The following TMEM131 variants were observed in gnomAD, a reference collection of about 807,000 sequenced individuals.
TMEM131 encodes 2610524E03Rik.
TMEM131 carries 66 observed loss-of-function variants against 211.6 expected under a neutral mutation model. That is an observed-to-expected ratio of 0.31 (90% CI 0.26 to 0.38). TMEM131 has a LOEUF of 0.38. TMEM131 is among the 10% of genes least tolerant of loss of function. The pLI is 1.00. For missense variants in TMEM131, 2,036 were observed against 2,299.3 expected, an observed-to-expected ratio of 0.89 and a Z score of 2.34; for synonymous variants, 844 against 841.3, an observed-to-expected ratio of 1.00 and a Z score of -0.06.
intron 1 of TMEM131, among the ~76,000 whole-genome samples, chr2:97,934,695 C>T (rs1459305942): frequency 6.6e-6 from 1 of 152,164 alleles, no homozygotes; most frequent in South Asian, 2.1e-4. Flanking sequence ...AGTAGAACAC[C>T]TAGAAACAGA....
At position 97,870,159 on chromosome 2, in the gene TMEM131, C is replaced by T. The variant is rs114107002; in HGVS notation, c.360-10732G>A. Among the ~76,000 whole-genome samples, 850 of 152,264 alleles carry T rather than the reference C, an allele frequency of 5.6e-3. 14 individuals are homozygous for T. The highest frequency in any genetic ancestry group is 0.02 in the African/African-American group (812 of 41,544). On this transcript the variant is annotated intron_variant, in intron 4 of 40. Coordinates refer to ENST00000186436, the MANE Select transcript of TMEM131 (RefSeq NM_015348.2). ...TAGGTCAGGCTCACCCAAAAAAAATCTATCTCAAAGGTCAATTGATTTGGG... is the reference window on the plus strand; with the variant it reads ...TAGGTCAGGCTCACCCAAAAAAAATTTATCTCAAAGGTCAATTGATTTGGG...
Position 97,842,516 on chromosome 2 carries a change from T to A in TMEM131, c.601-579A>T, listed in dbSNP as rs572473874. Among the ~76,000 whole-genome samples, 457 of 61,368 alleles carry A rather than the reference T, an allele frequency of 7.4e-3. 1 individual carries two copies. The highest frequency in any genetic ancestry group is 0.011 in the Non-Finnish European group (292 of 26,342). 40.3% of individuals were successfully genotyped at this position (61,368 alleles called of 152,430 possible). A position where few individuals can be genotyped will look rare whatever the true frequency, so the allele number is the denominator to read the frequency against. On this transcript the variant is annotated intron_variant, in intron 6 of 40. Transcript: ENST00000186436. ...ACAGACTGGATACCAATAAAAAGAT[T>A]TAAAAAAAAAATCCCTCTGCCAGAG...
At chr2:97,988,619 T>C (rs1680133296) in intron 1 of TMEM131, among the ~76,000 whole-genome samples, 1 of 152,280 alleles carries the variant, frequency 6.6e-6, no homozygotes, top group Non-Finnish European at 1.5e-5. Flanking sequence ...AGGACGTGAA[T>C]AGACATTTCT....
chr2:97,981,743 T>C (rs1000175707), intron 1 of TMEM131, among the ~76,000 whole-genome samples: 2 of 152,180 alleles, frequency 1.3e-5, no homozygotes, highest in Admixed American at 6.5e-5. Context: ...AACCATGTTA[T>C]CTATTTTGTC....
chr2:97,978,115 A>C (rs1025013651), intron 1 of TMEM131, among the ~76,000 whole-genome samples: 1 of 152,080 alleles, frequency 6.6e-6, no homozygotes, highest in Admixed American at 6.5e-5. Context: ...AAATAATAAT[A>C]ATAAAAAACA....
chr2:97,951,216 G>A (rs1425611495), intron 1 of TMEM131, among the ~76,000 whole-genome samples: 6 of 152,224 alleles, frequency 3.9e-5, no homozygotes, highest in African/African-American at 1.4e-4. Flanking sequence ...GGTTTGGTGT[G>A]TAGGTTCTGG....
At chr2:97,868,027 C>A (rs1475325805) in intron 4 of TMEM131, among the ~76,000 whole-genome samples, 1 of 152,138 alleles carries the variant, frequency 6.6e-6, no homozygotes. Context: ...CCATTGAGCT[C>A]CTTACTCCAT....
Position 97,878,743 on chromosome 2 carries a change from C to T in TMEM131, c.359+9309G>A, listed in dbSNP as rs531361409. ...GGATAACATTAGGAGAAGTACCTAA[C>T]GTAGGTGATGGGTTGATGCATGCAG... On this transcript the variant is annotated intron_variant, in intron 4 of 40. Transcript: ENST00000186436. 4.6e-5 allele frequency among the ~76,000 whole-genome samples: 7 copies of T among 152,158 alleles called. No homozygotes were observed. The East Asian group carries it at 1.2e-3, about 25-fold the overall frequency.
At chr2:97,978,264 T>G (rs777228542) in intron 1 of TMEM131, among the ~76,000 whole-genome samples, 1 of 152,218 alleles carries the variant, frequency 6.6e-6, no homozygotes, top group South Asian at 2.1e-4. Context: ...ATCGACTAAG[T>G]TGATAATACC....
intron 4 of TMEM131, among the ~76,000 whole-genome samples, chr2:97,876,017 T>A (rs1158069432): frequency 6.6e-6 from 1 of 152,046 alleles, no homozygotes; most frequent in Non-Finnish European, 1.5e-5. Context: ...AAAAATGATA[T>A]AGGGGATATC....
At chr2:97,924,611 T>C (rs749824634) in intron 2 of TMEM131, among the ~76,000 whole-genome samples, 5 of 152,300 alleles carry the variant, frequency 3.3e-5, no homozygotes, top group African/African-American at 7.2e-5. Flanking sequence ...ATGCCATCAG[T>C]TGCTGGTGAG....
chr2:97,757,228 G>A lies in TMEM131; in HGVS notation c.5523C>T (p.His1841=), dbSNP rs201617324. 397 of 1,614,004 alleles carry A rather than the reference G, an allele frequency of 2.5e-4. 2 individuals are homozygous for A. In the East Asian group the frequency reaches 5.6e-3, roughly 23 times the overall value. Residue 1841 remains histidine, a synonymous_variant, in exon 41 of 41, where the codon CAC becomes CAT. Coordinates refer to ENST00000186436, the MANE Select transcript of TMEM131 (RefSeq NM_015348.2). ...CAGCTGGACTGGAGGTGGAGGGAGC[G>A]TGAGGAGCAGGGGAGTTTTCTGTGC... ...LMGTENSPAP[H]APSTSSPADD...
At chr2:97,881,840 G>T (rs1187748246) in intron 4 of TMEM131, among the ~76,000 whole-genome samples, 1 of 151,880 alleles carries the variant, frequency 6.6e-6, no homozygotes, top group Non-Finnish European at 1.5e-5. Flanking sequence ...GTTAAAAAGA[G>T]CAGTGATTTG....
chr2:97,807,260 C>T (rs1003454633), intron 19 of TMEM131, among the ~76,000 whole-genome samples: 6 of 152,158 alleles, frequency 3.9e-5, no homozygotes, highest in Admixed American at 6.5e-5. Flanking sequence ...TCAAAACCAA[C>T]CCCTCTAAAT....
chr2:97,927,678 A>C (rs1476228471), intron 1 of TMEM131, among the ~76,000 whole-genome samples, 191 bp from the exon 2 acceptor site: 2 of 152,058 alleles, frequency 1.3e-5, no homozygotes, highest in Non-Finnish European at 2.9e-5. Context: ...AATAAAACAA[A>C]TAATAAAGTA....
intron 4 of TMEM131, among the ~76,000 whole-genome samples, chr2:97,875,113 C>A (rs1674639558): frequency 1.3e-5 from 2 of 152,068 alleles, no homozygotes; most frequent in Admixed American, 1.3e-4. Flanking sequence ...TCAAAAGAGA[C>A]AAAGAAGGGC....
rs542690745 is a variant in TMEM131 at position 97,919,691 on chromosome 2, C to G, written c.249+7735G>C. 5.3e-5 allele frequency among the ~76,000 whole-genome samples: 8 copies of G among 152,298 alleles called. 1 individual carries two copies. The South Asian group carries it at 1.5e-3, about 28-fold the overall frequency. On this transcript the variant is annotated intron_variant, in intron 2 of 40. Coordinates refer to ENST00000186436, the MANE Select transcript of TMEM131 (RefSeq NM_015348.2). ...GTTCAAGCGATACTCCTGCCTTAGCCTCCTGAGTAGCTGGGATTACAGGCA... is the reference window on the plus strand; with the variant it reads ...GTTCAAGCGATACTCCTGCCTTAGCGTCCTGAGTAGCTGGGATTACAGGCA...
chr2:97,942,777 T>G (rs1196189367), intron 1 of TMEM131, among the ~76,000 whole-genome samples: 3 of 151,810 alleles, frequency 2.0e-5, no homozygotes, highest in Non-Finnish European at 4.4e-5. Flanking sequence ...ACTAAACATT[T>G]AAAGAAGAAT....
In TMEM131 at chr2:97,900,896, T is replaced by C. The variant is rs543595687; in HGVS notation, c.290+7762A>G. Among the ~76,000 whole-genome samples, 77 of 152,322 alleles carry C rather than the reference T, an allele frequency of 5.1e-4. 1 individual carries two copies. Among genetic ancestry groups the C allele is most frequent in the African/African-American group, 1.8e-3 (74 of 41,580 alleles). On this transcript the variant is annotated intron_variant, in intron 3 of 40. Coordinates refer to ENST00000186436, the MANE Select transcript of TMEM131 (RefSeq NM_015348.2). ...CAATATTTGTTATCTTTTGTCTTTTTGATGACAGCCTTTCTAACAGGTGTG... is the reference window on the plus strand; with the variant it reads ...CAATATTTGTTATCTTTTGTCTTTTCGATGACAGCCTTTCTAACAGGTGTG...
Sources: gnomAD v4.1 joint callset for allele counts (sites outside exome capture counted in the v4.1 genomes callset) on GRCh38, gnomAD v4.1.1 for gene constraint, MANE v1.5 for transcripts, NCBI Gene and HGNC (gene_info 2026-07-23, HGNC 2026-07-21) for gene names.